Variants in GLIS1 observed in about 807,000 individuals in gnomAD.
The protein encoded by GLIS1 is zinc finger protein GLIS1.
In GLIS1, 24 loss-of-function variants were observed where a neutral mutation model predicts 63.8. That is an observed-to-expected ratio of 0.38 (90% CI 0.27 to 0.53). The LOEUF is 0.53. Among genes scored for constraint, GLIS1 ranks in the 20% least tolerant of loss-of-function variants. GLIS1 has a pLI of 0.85. For synonymous variants in GLIS1, 450 were observed against 482.5 expected, an observed-to-expected ratio of 0.93 and a Z score of 0.88; for missense variants, 1,036 against 1,074.1, an observed-to-expected ratio of 0.96 and a Z score of 0.50.
At chr1:53,520,217 G>C (rs559211219) in intron 7 of GLIS1, among the ~76,000 whole-genome samples, 4 of 152,182 alleles carry the variant, frequency 2.6e-5, no homozygotes, top group Admixed American at 2.0e-4. Flanking sequence ...CGTCATGAAG[G>C]GTAGGAGAAG....
At chr1:53,512,883 T>C (rs1353535487) in intron 8 of GLIS1, among the ~76,000 whole-genome samples, 1 of 150,954 alleles carries the variant, frequency 6.6e-6, no homozygotes, top group Non-Finnish European at 1.5e-5. Flanking sequence ...GCAGGTGGCC[T>C]GAGCAGCTAT....
At chr1:53,647,751 T>C (rs1300941024) in intron 2 of GLIS1, among the ~76,000 whole-genome samples, 2 of 152,072 alleles carry the variant, frequency 1.3e-5, no homozygotes, top group Non-Finnish European at 1.5e-5. Context: ...TATTTTGAAA[T>C]GGAGAGTTTC....
chr1:53,648,660 T>C (rs1160798272), intron 2 of GLIS1, among the ~76,000 whole-genome samples: 1 of 151,888 alleles, frequency 6.6e-6, no homozygotes, highest in Non-Finnish European at 1.5e-5. Context: ...TCAGTGAAAA[T>C]GAATAAGCCA....
intron 2 of GLIS1, among the ~76,000 whole-genome samples, chr1:53,709,550 G>A (rs938164870): frequency 6.6e-6 from 1 of 151,804 alleles, no homozygotes; most frequent in East Asian, 1.9e-4. Flanking sequence ...TTAGACAGCT[G>A]GGTTCATGAA....
intron 4 of GLIS1, among the ~76,000 whole-genome samples, chr1:53,565,161 T>C (rs973539102): frequency 6.6e-6 from 1 of 152,076 alleles, no homozygotes; most frequent in African/African-American, 2.4e-5. Context: ...TAATGGGTAT[T>C]TACAATACTT....
chr1:53,594,891 G>A lies in GLIS1; in HGVS notation c.537C>T (p.Ala179=), dbSNP rs1450498034. 6.5e-7 allele frequency: 1 copy of A among 1,541,302 alleles called. No homozygotes were observed. The highest frequency in any genetic ancestry group is 1.2e-5 in the South Asian group (1 of 80,826). ...GACAGTGGGCAGACAGGGATGTGCGGGCCTCTGCCATGGCTTGGTAGTCGG... is the reference window on the plus strand; with the variant it reads ...GACAGTGGGCAGACAGGGATGTGCGAGCCTCTGCCATGGCTTGGTAGTCGG... ...SLPDYQAMAE[A]RTSLSAHCRG... is the part of the protein sequence containing the mutation. The change falls in exon 4 of 11, where the codon GCC becomes GCT. Residue 179 remains alanine (A), a synonymous_variant. Transcript: ENST00000628545.
intron 4 of GLIS1, among the ~76,000 whole-genome samples, chr1:53,572,045 T>C (rs540751521): frequency 6.6e-6 from 1 of 152,252 alleles, no homozygotes; most frequent in South Asian, 2.1e-4. Context: ...AAACAGAAAA[T>C]AGGCAGTAGT....
At chr1:53,632,976 G>A (rs1174820443) in intron 2 of GLIS1, among the ~76,000 whole-genome samples, 9 of 147,082 alleles carry the variant, frequency 6.1e-5, no homozygotes, top group African/African-American at 2.0e-4. Flanking sequence ...ATGTGTGACC[G>A]AGGGGTGTGT....
intron 2 of GLIS1, among the ~76,000 whole-genome samples, chr1:53,633,082 T>A (rs1270752916): frequency 7.1e-6 from 1 of 140,562 alleles, no homozygotes; most frequent in Non-Finnish European, 1.5e-5. Context: ...CTGAGGGGCG[T>A]GTGAATGAGT....
At chr1:53,733,679 T>C (rs1388795511) in intron 2 of GLIS1, among the ~76,000 whole-genome samples, 2 of 152,212 alleles carry the variant, frequency 1.3e-5, no homozygotes, top group East Asian at 3.8e-4. Flanking sequence ...ACGCAACATG[T>C]TCCTATCTCA....
At chr1:53,618,240 A>T (rs1426107662) in intron 2 of GLIS1, among the ~76,000 whole-genome samples, 2 of 152,248 alleles carry the variant, frequency 1.3e-5, no homozygotes, top group Non-Finnish European at 2.9e-5. Flanking sequence ...GCTGTAAGTG[A>T]TCAGCTGCCA....
rs1408565478 is a variant in GLIS1, at chr1:53,539,194, A to T, written c.1321-9242T>A. On this transcript the variant is annotated intron_variant, in intron 4 of 10. Transcript: ENST00000628545. The surrounding 1 kb of genome is among the most constrained non-coding windows in gnomAD (Gnocchi z 5.0). ...ATGTGAACACCTCTCCCTCCAACCA[A>T]GCCACACGTCGGAGACAGCCCCAAC... Among the ~76,000 whole-genome samples the T allele has an allele frequency of 1.3e-5, 2 of 151,748 alleles. No homozygotes were observed. Among genetic ancestry groups the T allele is most frequent in the Admixed American group, 6.6e-5 (1 of 15,244 alleles).
chr1:53,676,044 T>C (rs926130832), intron 2 of GLIS1, among the ~76,000 whole-genome samples: 2 of 152,226 alleles, frequency 1.3e-5, no homozygotes, highest in Non-Finnish European at 2.9e-5. Context: ...CTCTTTTATT[T>C]TGAAGAAGAA....
chr1:53,524,241 A>G (rs1263124815), intron 6 of GLIS1, among the ~76,000 whole-genome samples: 11 of 151,940 alleles, frequency 7.2e-5, no homozygotes, highest in Non-Finnish European at 1.5e-5. Flanking sequence ...CCGCGCTCAC[A>G]CCCCTAAACA....
At chr1:53,547,489 C>T (rs553823499) in intron 4 of GLIS1, among the ~76,000 whole-genome samples, 3 of 152,352 alleles carry the variant, frequency 2.0e-5, no homozygotes, top group Admixed American at 2.0e-4. Flanking sequence ...TGGCTCCTGC[C>T]TTTGATGGAT....
At chr1:53,514,951 A>G (rs112020558) in intron 7 of GLIS1, among the ~76,000 whole-genome samples, 170 bp from the exon 8 acceptor site, 3 of 152,096 alleles carry the variant, frequency 2.0e-5, no homozygotes, top group African/African-American at 7.2e-5. Flanking sequence ...TGCTGGCCCC[A>G]CTCCACTCAG....
At chr1:53,670,065 T>C (rs911911294) in intron 2 of GLIS1, among the ~76,000 whole-genome samples, 21 of 152,170 alleles carry the variant, frequency 1.4e-4, no homozygotes, top group African/African-American at 4.8e-4. Context: ...ATCCAAAGCA[T>C]AAAACAAGAG....
At chr1:53,722,620 T>C (rs1646766606) in intron 2 of GLIS1, among the ~76,000 whole-genome samples, 1 of 152,070 alleles carries the variant, frequency 6.6e-6, no homozygotes, top group Admixed American at 6.5e-5. Flanking sequence ...GTGGGAGTAT[T>C]GCTTGAACCC....
chr1:53,534,018 G>A (rs1644557854), intron 4 of GLIS1, among the ~76,000 whole-genome samples: 1 of 152,098 alleles, frequency 6.6e-6, no homozygotes, highest in African/African-American at 2.4e-5. Flanking sequence ...TGTAGACCCA[G>A]CCCAGGGGGA....
Sources: gnomAD v4.1 joint callset for allele counts (sites outside exome capture counted in the v4.1 genomes callset) on GRCh38, gnomAD v4.1.1 for gene constraint, Gnocchi (gnomAD v3.1) non-coding constraint, MANE v1.5 for transcripts, NCBI Gene and HGNC (gene_info 2026-07-23, HGNC 2026-07-21) for gene names.